SLIT2: variants seen among roughly 807,000 people sequenced by gnomAD.
SLIT2 encodes the protein slit guidance ligand 2.
SLIT2 carries 41 observed loss-of-function variants against 185.7 expected under a neutral mutation model. The ratio of observed to expected loss-of-function variants is 0.22; its 90% CI spans 0.17 to 0.29. The LOEUF (loss-of-function observed/expected upper bound fraction) is 0.29. SLIT2 is among the 10% of genes least tolerant of loss of function. The probability of loss-of-function intolerance (pLI) is 1.00; values close to 1 mark genes in which losing one functional copy is unlikely to be tolerated. For missense variants in SLIT2, 1,571 were observed against 1,909.0 expected (o/e 0.82, Z 3.30); for synonymous variants, 693 against 680.2 (o/e 1.02, Z -0.29).
Position 20,553,867 on chromosome 4 carries a change from A to T in SLIT2, c.2624A>T (p.Lys875Met). 1 of 1,610,512 alleles carries T rather than the reference A, an allele frequency of 6.2e-7. No homozygotes were observed. Among genetic ancestry groups the T allele is most frequent in the East Asian group, 2.2e-5 (1 of 44,826 alleles). Residue 875 changes from lysine to methionine, a missense_variant, in exon 26 of 37, where the codon AAG (lysine) becomes ATG (methionine). Physicochemically the swap from Lys to Met is moderately conservative, Grantham distance 95 (BLOSUM62 -1). Coordinates refer to ENST00000504154, the MANE Select transcript of SLIT2 (RefSeq NM_004787.4). ...ATGCAGTGGTTATCCGACTGGGTGAAGTCGGAATATAAGGAGCCTGGAATT... is the reference window on the plus strand; with the variant it reads ...ATGCAGTGGTTATCCGACTGGGTGATGTCGGAATATAAGGAGCCTGGAATT... The part of the protein sequence containing the change: ...CNMQWLSDWV[K>M]SEYKEPGIAR...
intron 23 of SLIT2, among the ~76,000 whole-genome samples, chr4:20,548,802 G>C (rs558687711): frequency 2.1e-4 from 32 of 152,176 alleles, no homozygotes; most frequent in Middle Eastern, 3.4e-3. Flanking sequence ...CTAAGATAGG[G>C]AAAATCCACC....
intron 29 of SLIT2, among the ~76,000 whole-genome samples, chr4:20,586,106 C>G (rs7665291): frequency 0.026 from 3,942 of 152,246 alleles, 170 homozygotes; most frequent in African/African-American, 0.09. Context: ...TTATATTGAG[C>G]TCCTGAATCT....
Position 20,268,871 on chromosome 4 carries a change from C to T in SLIT2, c.385C>T (p.Leu129=). The T allele has an allele frequency of 6.3e-7, 1 of 1,597,236 alleles. No homozygotes were observed. The highest frequency in any genetic ancestry group is 1.1e-5 in the South Asian group (1 of 90,746). Residue 129 remains leucine, a synonymous_variant, in exon 4 of 37, where the codon CTA becomes TTA. Coordinates refer to ENST00000504154, the MANE Select transcript of SLIT2 (RefSeq NM_004787.4). ...PELLFLGTAK[L]YRLDLSENQI... ...GTTGCTGTTTCTTGGGACTGCGAAG[C>T]TATACAGGCTGTAAGTAGACACAAA...
chr4:20,539,425 C>T lies in SLIT2; in HGVS notation c.1833-16C>T. On this transcript the variant is annotated splice_polypyrimidine_tract_variant and intron_variant, in intron 18 of 36. Coordinates refer to ENST00000504154, the MANE Select transcript of SLIT2 (RefSeq NM_004787.4). ...GATGCTTTGTCTCCATAACAATGTC[C>T]TTTTTTTCCCCTCAGGATGTTGAGA... The T allele has an allele frequency of 1.2e-6, 2 of 1,603,920 alleles. No homozygotes were observed. The highest frequency in any genetic ancestry group is 1.7e-6 in the Non-Finnish European group (2 of 1,175,048).
At chr4:20,425,568 T>A (rs185481865) in intron 4 of SLIT2, among the ~76,000 whole-genome samples, 1 of 152,304 alleles carries the variant, frequency 6.6e-6, no homozygotes, top group Non-Finnish European at 1.5e-5. Flanking sequence ...AATGTCATAT[T>A]GATTAGATAC....
Position 20,539,544 on chromosome 4 carries a change from G to A in SLIT2, c.1936G>A (p.Ala646Thr), listed in dbSNP as rs1179595943. The A allele has an allele frequency of 1.9e-6, 3 of 1,612,566 alleles. No homozygotes were observed. In the East Asian group the frequency reaches 6.7e-5, roughly 36 times the overall value. ...GTATGATAATCAAATTACTACAGTT[G>A]CACCAGGGGCATTTGATACTCTCCA... is the stretch of plus-strand genomic sequence containing the variant. Reference protein sequence around the residue: ...SLYDNQITTVAPGAFDTLHSL... With the variant: ...SLYDNQITTVTPGAFDTLHSL... The change falls in exon 19 of 37, where the codon GCA (alanine) becomes ACA (threonine). Residue 646 changes from alanine to threonine, a missense_variant. Ala to Thr is a moderately conservative substitution (Grantham distance 58). This residue lies in a region of SLIT2 where 1,202 missense variants were observed against 1,416.4 expected (regional missense o/e 0.85). Transcript: ENST00000504154.
chr4:20,567,585 A>G lies in SLIT2; in HGVS notation c.2918A>G (p.His973Arg). 2 of 1,613,278 alleles carry G rather than the reference A, an allele frequency of 1.2e-6. No individual in the cohort carries two copies. The highest frequency in any genetic ancestry group is 1.7e-6 in the Non-Finnish European group (2 of 1,179,394). ...SNPCKHGGTCHLKEGEEDGFW... is the reference protein window; with the variant it reads ...SNPCKHGGTCRLKEGEEDGFW... ...CCATGTAAACATGGAGGAACTTGCC[A>G]CTTAAAGGAAGGAGAAGAAGATGGA... Residue 973 changes from histidine to arginine, a missense_variant, in exon 28 of 37, where the codon CAC becomes CGC. Transcript: ENST00000504154.
intron 5 of SLIT2, among the ~76,000 whole-genome samples, chr4:20,469,931 A>T (rs117640594): frequency 0.067 from 10,078 of 150,946 alleles, 425 homozygotes; most frequent in Admixed American, 0.16. Flanking sequence ...AATTTTTTGT[A>T]TTTAGTAGAG....
chr4:20,287,645 T>G (rs1715388671), intron 4 of SLIT2, among the ~76,000 whole-genome samples: 1 of 152,222 alleles, frequency 6.6e-6, no homozygotes, highest in Non-Finnish European at 1.5e-5. Flanking sequence ...GCCTATTCAC[T>G]CTTCAGTTGT....
At chr4:20,440,318 C>T (rs1460635190) in intron 4 of SLIT2, among the ~76,000 whole-genome samples, 2 of 152,164 alleles carry the variant, frequency 1.3e-5, no homozygotes, top group Non-Finnish European at 2.9e-5. Context: ...GAAACTACAT[C>T]TGGGCTTGGC....
At chr4:20,264,131 G>C (rs1006156035) in intron 3 of SLIT2, among the ~76,000 whole-genome samples, 1 of 151,752 alleles carries the variant, frequency 6.6e-6, no homozygotes, top group African/African-American at 2.4e-5. Flanking sequence ...AGGAATACAA[G>C]GGATTAAGTT....
chr4:20,377,513 A>G (rs1724124694), intron 4 of SLIT2, among the ~76,000 whole-genome samples: 1 of 152,144 alleles, frequency 6.6e-6, no homozygotes, highest in Non-Finnish European at 1.5e-5. Context: ...GAAGACAAAT[A>G]AAGAGCTGCT....
intron 5 of SLIT2, among the ~76,000 whole-genome samples, chr4:20,475,573 C>T (rs1716006048): frequency 6.6e-6 from 1 of 152,070 alleles, no homozygotes; most frequent in Non-Finnish European, 1.5e-5. Flanking sequence ...CCATGTATAA[C>T]TTATTGAACT....
intron 4 of SLIT2, among the ~76,000 whole-genome samples, chr4:20,310,258 A>G (rs1717981400): frequency 6.6e-6 from 1 of 152,134 alleles, no homozygotes; most frequent in Non-Finnish European, 1.5e-5. Context: ...AGCTGCCAAC[A>G]CTAGAGTTTA....
chr4:20,348,508 C>A (rs1411810142), intron 4 of SLIT2, among the ~76,000 whole-genome samples: 1 of 152,038 alleles, frequency 6.6e-6, no homozygotes, highest in Non-Finnish European at 1.5e-5. Context: ...CTTGGCCTCC[C>A]AAAGCGCTGG....
chr4:20,338,931 A>C (rs979803933), intron 4 of SLIT2, among the ~76,000 whole-genome samples: 1 of 151,944 alleles, frequency 6.6e-6, no homozygotes, highest in African/African-American at 2.4e-5. Flanking sequence ...ATCTCAACAA[A>C]AATAAATAAA....
chr4:20,472,267 G>GAT (rs1325464832), intron 5 of SLIT2, among the ~76,000 whole-genome samples: 522 of 29,788 alleles, frequency 0.018, 12 homozygotes, highest in Middle Eastern at 0.038. Context: ...TCTATATATA[G>GAT]ATATATATCT....
At chr4:20,403,782 A>G (rs1473891265) in intron 4 of SLIT2, among the ~76,000 whole-genome samples, 1 of 151,912 alleles carries the variant, frequency 6.6e-6, no homozygotes, top group Admixed American at 6.6e-5. Flanking sequence ...GGCCCCTTGC[A>G]GGTGCAGATC....
intron 4 of SLIT2, among the ~76,000 whole-genome samples, chr4:20,310,069 C>G (rs1717956365): frequency 6.6e-6 from 1 of 152,118 alleles, no homozygotes; most frequent in Non-Finnish European, 1.5e-5. Flanking sequence ...CCCCTCTAGT[C>G]TCTTATCAGA....
Sources: allele counts gnomAD v4.1 joint callset (sites outside exome capture counted in the v4.1 genomes callset), GRCh38; gene constraint gnomAD v4.1.1; regional missense constraint gnomAD v4.1.1; transcripts MANE v1.5; gene names NCBI Gene and HGNC (gene_info 2026-07-23, HGNC 2026-07-21).